The following CRISP1 variants were observed in gnomAD, a reference collection of about 807,000 sequenced individuals.
CRISP1 encodes the protein cysteine-rich secretory protein 1.
CRISP1 carries 44 observed loss-of-function variants against 33.1 expected under a neutral mutation model. That is an observed-to-expected ratio of 1.33 (90% CI 1.05 to 1.71). The LOEUF is 1.71. CRISP1 is among the 40% of genes most tolerant of loss of function. The probability of loss-of-function intolerance (pLI) is 0.00; values close to 1 mark genes in which losing one functional copy is unlikely to be tolerated. For synonymous variants in CRISP1, 103 were observed against 98.7 expected, an observed-to-expected ratio of 1.04 and a Z score of -0.26; for missense variants, 390 against 301.2, an observed-to-expected ratio of 1.29 and a Z score of -2.18.
intron 5 of CRISP1, among the ~76,000 whole-genome samples, chr6:49,843,442 A>G (rs1380979900): frequency 6.6e-6 from 1 of 152,098 alleles, no homozygotes; most frequent in African/African-American, 2.4e-5. Flanking sequence ...TTTATTTTAG[A>G]TTTTGTGTAA....
intron 6 of CRISP1, among the ~76,000 whole-genome samples, chr6:49,840,171 C>A (rs527522457): frequency 2.1e-4 from 32 of 152,288 alleles, no homozygotes; most frequent in African/African-American, 7.2e-4. Context: ...CTATCCAGCT[C>A]TGAATAATCT....
At chr6:49,856,274 A>G (rs1417491) in intron 2 of CRISP1, among the ~76,000 whole-genome samples, 44,448 of 151,976 alleles carry the variant, frequency 0.29, 6,923 homozygotes, top group East Asian at 0.59. Context: ...GATGGCAAAT[A>G]TAGGTTTCTG....
chr6:49,836,480 C>T (rs1306163759), intron 7 of CRISP1, among the ~76,000 whole-genome samples: 1 of 151,370 alleles, frequency 6.6e-6, no homozygotes, highest in Admixed American at 6.6e-5. Context: ...GGACTACAGG[C>T]GCCCGCCATC....
At chr6:49,865,265 G>C (rs1426516249) in intron 1 of CRISP1, among the ~76,000 whole-genome samples, 2 of 152,090 alleles carry the variant, frequency 1.3e-5, no homozygotes, top group Non-Finnish European at 2.9e-5. Flanking sequence ...TTTTATAAAA[G>C]AGATGAGGTC....
chr6:49,838,967 G>T (rs1239023275), intron 6 of CRISP1, among the ~76,000 whole-genome samples: 1 of 152,062 alleles, frequency 6.6e-6, no homozygotes, highest in Non-Finnish European at 1.5e-5. Flanking sequence ...AGTTAGAGAG[G>T]TTCTAACTCC....
chr6:49,835,528 AAG>A lies in CRISP1; in HGVS notation c.623-87_623-86del, dbSNP rs1278059142. ...AAGAGACCATCTTATTAAAGACAAA[AAG>A]AGAAATTTTTATTAACAATTGCTAA... On this transcript the variant is annotated intron_variant, in intron 7 of 7. Transcript: ENST00000335847. 1.3e-5 allele frequency: 18 copies of A among 1,370,314 alleles called. No individual in the cohort carries two copies. The African/African-American group carries it at 2.2e-4, about 17-fold the overall frequency. 84.9% of individuals were successfully genotyped at this position (1,370,314 alleles called of 1,614,324 possible).
intron 5 of CRISP1, among the ~76,000 whole-genome samples, chr6:49,841,631 C>T (rs777830714): frequency 6.6e-5 from 10 of 152,084 alleles, no homozygotes; most frequent in Non-Finnish European, 1.0e-4. Flanking sequence ...GACAAGATAA[C>T]TTATCAGTTT....
intron 3 of CRISP1, among the ~76,000 whole-genome samples, chr6:49,851,060 C>T (rs1771331735): frequency 6.6e-6 from 1 of 152,136 alleles, no homozygotes. Flanking sequence ...AAATAATAAA[C>T]ACATGTATGT....
At chr6:49,861,544 T>A (rs577579441) in intron 1 of CRISP1, among the ~76,000 whole-genome samples, 1 of 152,210 alleles carries the variant, frequency 6.6e-6, no homozygotes, top group South Asian at 2.1e-4. Flanking sequence ...TGATAAAATT[T>A]AACATCTCTT....
intron 2 of CRISP1, among the ~76,000 whole-genome samples, chr6:49,852,846 TTGTGTGTGTGTGTGTG>T (rs3056388): frequency 2.7e-5 from 4 of 145,556 alleles, no homozygotes; most frequent in East Asian, 4.1e-4. Flanking sequence ...AAGAGAATCT[TTGTGTGTGTGTGTGTG>T]TGTGTGTGTG....
rs114329654 is a variant in CRISP1 at position 49,850,520 on chromosome 6, C to T, written c.195+1481G>A. On this transcript the variant is annotated intron_variant, in intron 3 of 7. Transcript: ENST00000335847. Reference sequence around the variant, plus strand: ...TTTTTTTTTTAAAGAAAATCTCTGCCTGGTAATTGTGGTTAACTCTTCAGT... The same window carrying T: ...TTTTTTTTTTAAAGAAAATCTCTGCTTGGTAATTGTGGTTAACTCTTCAGT... Among the ~76,000 whole-genome samples the T allele has an allele frequency of 1.2e-3, 178 of 151,882 alleles. 1 individual carries two copies. The highest frequency in any genetic ancestry group is 4.1e-3 in the African/African-American group (169 of 41,428).
At chr6:49,839,199 G>A (rs1239557723) in intron 6 of CRISP1, among the ~76,000 whole-genome samples, 1 of 147,124 alleles carries the variant, frequency 6.8e-6, no homozygotes, top group Non-Finnish European at 1.5e-5. Context: ...CTTTGAGAGG[G>A]CAAAGTGGAA....
chr6:49,836,041 A>G (rs1051007217), intron 7 of CRISP1, among the ~76,000 whole-genome samples: 10 of 152,302 alleles, frequency 6.6e-5, no homozygotes, highest in Admixed American at 2.0e-4. Flanking sequence ...GTATGAAGAT[A>G]CCCAAAATTT....
intron 5 of CRISP1, among the ~76,000 whole-genome samples, chr6:49,844,867 C>T (rs139729770): frequency 3.2e-4 from 48 of 152,236 alleles, no homozygotes; most frequent in Middle Eastern, 6.9e-3. Context: ...TAGGTTCACT[C>T]CTGGCGAGAA....
chr6:49,843,273 C>T lies in CRISP1; in HGVS notation c.436-2278G>A, dbSNP rs562909376. 3.5e-3 allele frequency among the ~76,000 whole-genome samples: 527 copies of T among 152,060 alleles called. 5 individuals are homozygous for T. Among genetic ancestry groups the T allele is most frequent in the African/African-American group, 0.012 (503 of 41,452 alleles). On this transcript the variant is annotated intron_variant, in intron 5 of 7. Coordinates refer to ENST00000335847, the MANE Select transcript of CRISP1 (RefSeq NM_001131.3). Reference sequence around the variant, plus strand: ...ATACTCCTGGATTCCTGCCACATACCCTTTGTGTCTAAGTGTATCAATCTT... The same window carrying T: ...ATACTCCTGGATTCCTGCCACATACTCTTTGTGTCTAAGTGTATCAATCTT...
At chr6:49,848,180 A>G (rs199940355) in intron 4 of CRISP1, 29 bp downstream of exon 4, 2 of 1,291,208 alleles carry the variant, frequency 1.5e-6, no homozygotes, top group East Asian at 2.3e-5. Context: ...TTTTTAGTCC[A>G]AAGGCGGGTC....
At chr6:49,842,669 C>A (rs1427587396) in intron 5 of CRISP1, among the ~76,000 whole-genome samples, 1 of 152,058 alleles carries the variant, frequency 6.6e-6, no homozygotes, top group African/African-American at 2.4e-5. Context: ...TGCTTGGAAC[C>A]CTGTATTCTG....
At position 49,848,160 on chromosome 6, in the gene CRISP1, A is replaced by ATTTTT. The variant is rs373553362; in HGVS notation, c.286+44_286+48dup. 5.9e-4 allele frequency: 545 copies of ATTTTT among 916,470 alleles called. 1 individual carries two copies. The highest frequency in any genetic ancestry group is 8.3e-4 in the South Asian group (49 of 59,364). The allele number at this position is 916,470 out of a possible 1,614,324, so 56.8% of individuals were successfully genotyped here. A position where few individuals can be genotyped will look rare whatever the true frequency, so the allele number is the denominator to read the frequency against. On this transcript the variant is annotated intron_variant, in intron 4 of 7. Transcript: ENST00000335847. ...GGTACATAACAATCCCTGTTTTACT[A>ATTTTT]TTTTTTTTTTTTTTAGTCCAAAGGC...
At chr6:49,864,555 C>A (rs1026086535) in intron 1 of CRISP1, among the ~76,000 whole-genome samples, 2 of 151,938 alleles carry the variant, frequency 1.3e-5, no homozygotes, top group African/African-American at 4.8e-5. Context: ...CAGCTTCATA[C>A]CCTCACCTAT....
Sources: gnomAD v4.1 joint callset for allele counts (sites outside exome capture counted in the v4.1 genomes callset) on GRCh38, gnomAD v4.1.1 for gene constraint, MANE v1.5 for transcripts, NCBI Gene and HGNC (gene_info 2026-07-23, HGNC 2026-07-21) for gene names.